PCDHGA5: variants seen among roughly 807,000 people sequenced by gnomAD.
PCDHGA5 encodes protocadherin gamma-A5.
In PCDHGA5, 36 loss-of-function variants were observed where a neutral mutation model predicts 56.7. The observed-to-expected ratio is 0.64, with a 90% CI of 0.49 to 0.84. The LOEUF is 0.84. Among genes scored for constraint, PCDHGA5 ranks in the 40% least tolerant of loss-of-function variants. The probability of loss-of-function intolerance (pLI) is 0.00; values close to 1 mark genes in which losing one functional copy is unlikely to be tolerated. For synonymous variants in PCDHGA5, 563 were observed against 520.2 expected, an observed-to-expected ratio of 1.08 and a Z score of -1.12; for missense variants, 1,305 against 1,201.5, an observed-to-expected ratio of 1.09 and a Z score of -1.27.
chr5:141,441,295 A>C (rs952946372), intron 1 of PCDHGA5: 3 of 152,240 alleles, frequency 2.0e-5, no homozygotes, highest in Non-Finnish European at 4.4e-5. Flanking sequence ...CACATGTCTG[A>C]TATAAGAAAA....
intron 1 of PCDHGA5, chr5:141,367,864 T>C (rs960069997): frequency 1.1e-4 from 16 of 152,208 alleles, no homozygotes; most frequent in African/African-American, 3.9e-4. Flanking sequence ...TCTTTAAGTG[T>C]AGGTGCAATT....
intron 1 of PCDHGA5, chr5:141,397,859 C>T: frequency 1.8e-6 from 1 of 559,674 alleles, no homozygotes. Context: ...CTGTAGTTTC[C>T]TAGTGCTGAC....
intron 1 of PCDHGA5, among the ~76,000 whole-genome samples, chr5:141,492,337 C>T (rs559700346): frequency 1.0e-3 from 158 of 152,324 alleles, no homozygotes; most frequent in African/African-American, 3.7e-3. Flanking sequence ...TACGCGAATA[C>T]CAGCTTTCAC....
At chr5:141,421,144 G>A (rs1241874764) in intron 1 of PCDHGA5, 1 of 999,180 alleles carries the variant, frequency 1.0e-6, no homozygotes, top group African/African-American at 1.6e-5. Flanking sequence ...TTTGGATGTA[G>A]TCGGCCTAGG....
rs187177915 is a variant in PCDHGA5 at position 141,472,338 on chromosome 5, G to A, written c.2422-22469G>A. ...AGGCAGATCACGAGGTTGGGAGATC[G>A]AGACCATCCTGGCTAACACGGTGAA... On this transcript the variant is annotated intron_variant, in intron 1 of 3. Transcript: ENST00000518069. Among the ~76,000 whole-genome samples, 23 of 151,526 alleles carry A rather than the reference G, an allele frequency of 1.5e-4. No homozygotes were observed. The East Asian group carries it at 3.2e-3, about 21-fold the overall frequency.
intron 1 of PCDHGA5, chr5:141,408,952 T>C (rs531696982): frequency 6.2e-7 from 1 of 1,613,544 alleles, no homozygotes; most frequent in African/African-American, 1.3e-5. Context: ...ATAGAATTAG[T>C]CTTAGTGAAA....
At position 141,430,895 on chromosome 5, in the gene PCDHGA5, G is replaced by A. The variant is rs775296800; in HGVS notation, c.2422-63912G>A. 6.9e-6 allele frequency: 11 copies of A among 1,605,692 alleles called. No individual in the cohort carries two copies. The Admixed American group carries it at 1.0e-4, about 15-fold the overall frequency. ...AGAGCTGGAGAAAGGCTCTAGGGTG[G>A]GCGACATCTCCAGGGACCTGGGGCT... On this transcript the variant is annotated intron_variant, in intron 1 of 3. Coordinates refer to ENST00000518069, the MANE Select transcript of PCDHGA5 (RefSeq NM_018918.3).
At chr5:141,456,723 G>A (rs1005891499) in intron 1 of PCDHGA5, among the ~76,000 whole-genome samples, 3 of 152,196 alleles carry the variant, frequency 2.0e-5, no homozygotes, top group Admixed American at 6.5e-5. Flanking sequence ...CCAGCACTTT[G>A]GGAGGCTGAG....
rs756503177 is a variant in PCDHGA5 at position 141,364,980 on chromosome 5, G to A, written c.650G>A (p.Gly217Asp). ...GACCTCCTCCTCACAGCTTTAGATG[G>A]CGGAGACCCGGTACTCTCCGGCACC... Reference protein sequence around the residue: ...VHDLLLTALDGGDPVLSGTTH... With the variant: ...VHDLLLTALDDGDPVLSGTTH... The change falls in exon 1 of 4, where the codon GGC becomes GAC. Residue 217 changes from glycine to aspartate, a missense_variant. Physicochemically the swap from Gly to Asp is moderately conservative, Grantham distance 94. Coordinates refer to ENST00000518069, the MANE Select transcript of PCDHGA5 (RefSeq NM_018918.3). 6 of 1,613,754 alleles carry A rather than the reference G, an allele frequency of 3.7e-6. No homozygotes were observed. The African/African-American group carries it at 4.0e-5, about 11-fold the overall frequency.
chr5:141,389,576 G>C, intron 1 of PCDHGA5: 1 of 1,613,196 alleles, frequency 6.2e-7, no homozygotes, highest in East Asian at 2.2e-5. Context: ...TGTACCCCGC[G>C]CTGGGTCCCG....
chr5:141,476,053 A>G lies in PCDHGA5; in HGVS notation c.2422-18754A>G. 2 of 1,501,944 alleles carry G rather than the reference A, an allele frequency of 1.3e-6. No homozygotes were observed. Among genetic ancestry groups the G allele is most frequent in the Non-Finnish European group, 1.8e-6 (2 of 1,131,392 alleles). 93.0% of individuals were successfully genotyped at this position (1,501,944 alleles called of 1,614,324 possible). ...CAGCGCCCAAGCGCTAACCCGCTGA[A>G]AGTTTCTCAGCGAAATCTCAGGGAC... On this transcript the variant is annotated intron_variant, in intron 1 of 3. Coordinates refer to ENST00000518069, the MANE Select transcript of PCDHGA5 (RefSeq NM_018918.3). The surrounding 1 kb of genome is among the most constrained non-coding windows in gnomAD (Gnocchi z 7.6).
At chr5:141,389,714 C>A in intron 1 of PCDHGA5, 1 of 1,612,536 alleles carries the variant, frequency 6.2e-7, no homozygotes, top group South Asian at 1.1e-5. Flanking sequence ...TGCAGGCTAG[C>A]GAGCCCGGGC....
intron 1 of PCDHGA5, chr5:141,389,052 T>C (rs769661783): frequency 9.5e-5 from 153 of 1,613,794 alleles, no homozygotes; most frequent in Non-Finnish European, 8.5e-5. Flanking sequence ...TGATGTTCCA[T>C]TTAAAATATT....
At chr5:141,425,606 G>A (rs1419859039) in intron 1 of PCDHGA5, among the ~76,000 whole-genome samples, 1 of 152,156 alleles carries the variant, frequency 6.6e-6, no homozygotes, top group Non-Finnish European at 1.5e-5. Context: ...GCCCTATATA[G>A]CTTTCAGTGC....
chr5:141,448,806 G>A (rs1412164815), intron 1 of PCDHGA5, among the ~76,000 whole-genome samples: 1 of 152,008 alleles, frequency 6.6e-6, no homozygotes, highest in Admixed American at 6.5e-5. Context: ...TTAGCCAGGC[G>A]TGATGGCGGG....
chr5:141,438,760 C>T (rs1346379482), intron 1 of PCDHGA5, among the ~76,000 whole-genome samples: 4 of 148,802 alleles, frequency 2.7e-5, no homozygotes, highest in South Asian at 2.1e-4. Context: ...CTCCTGGGTT[C>T]AAGCGATTCT....
chr5:141,486,148 G>A lies in PCDHGA5; in HGVS notation c.2422-8659G>A. On this transcript the variant is annotated intron_variant, in intron 1 of 3. Coordinates refer to ENST00000518069, the MANE Select transcript of PCDHGA5 (RefSeq NM_018918.3). This position sits in a 1 kb window ranked among gnomAD's most constrained non-coding sequence, Gnocchi z 5.0. ...AATTTGATGTGCGGGCTCGCGATGG[G>A]GGTTCTCCAGCCATGGAGCAACATT... 2 of 1,614,164 alleles carry A rather than the reference G, an allele frequency of 1.2e-6. No homozygotes were observed. The highest frequency in any genetic ancestry group is 1.7e-6 in the Non-Finnish European group (2 of 1,180,026).
At position 141,409,535 on chromosome 5, in the gene PCDHGA5, A is replaced by G. The variant is rs745624722; in HGVS notation, c.2421+42784A>G. 5 of 1,613,894 alleles carry G rather than the reference A, an allele frequency of 3.1e-6. No homozygotes were observed. The African/African-American group carries it at 4.0e-5, about 13-fold the overall frequency. ...AAGCATCACCTTGTATGTCGCTGAC[A>G]TCAACGACAACGCCCCAGTTTTCGA... On this transcript the variant is annotated intron_variant, in intron 1 of 3. Coordinates refer to ENST00000518069, the MANE Select transcript of PCDHGA5 (RefSeq NM_018918.3).
intron 1 of PCDHGA5, chr5:141,400,717 G>A: frequency 1.5e-6 from 1 of 672,320 alleles, no homozygotes; most frequent in Non-Finnish European, 2.5e-6. Context: ...TAGCCTTATA[G>A]ATTTACAAAG....
Sources: allele counts gnomAD v4.1 joint callset (sites outside exome capture counted in the v4.1 genomes callset), GRCh38; gene constraint gnomAD v4.1.1; non-coding constraint Gnocchi (gnomAD v3.1); transcripts MANE v1.5; gene names NCBI Gene and HGNC (gene_info 2026-07-23, HGNC 2026-07-21).